Variants in PAK3 observed in about 807,000 individuals in gnomAD.
PAK3 encodes serine/threonine-protein kinase PAK 3.
In PAK3, 4 loss-of-function variants were observed where a neutral mutation model predicts 41.0. The ratio of observed to expected loss-of-function variants is 0.10; its 90% CI spans 0.05 to 0.22. The LOEUF is 0.22. Ranked by LOEUF, PAK3 falls within the 10% of genes least tolerant of loss-of-function variation. The pLI is 1.00. For synonymous variants in PAK3, 146 were observed against 139.6 expected, an observed-to-expected ratio of 1.05 and a Z score of -0.32; for missense variants, 205 against 409.9, an observed-to-expected ratio of 0.50 and a Z score of 4.32.
At chrX:110,956,895 A>G (rs773469402) in intron 1 of PAK3, among the ~76,000 whole-genome samples, 1 of 111,737 alleles carries the variant, frequency 8.9e-6, no homozygotes, top group Non-Finnish European at 1.9e-5. Context: ...TGGTGACAGG[A>G]CCTTCTTTGT....
rs188957608 is a variant in PAK3, at chrX:111,052,602, G to A, written c.-27-70475G>A. Among the ~76,000 whole-genome samples, 774 of 112,349 alleles carry A rather than the reference G, an allele frequency of 6.9e-3. 3 individuals carry two copies. The highest frequency in any genetic ancestry group is 0.012 in the Non-Finnish European group (615 of 53,212). On this transcript the variant is annotated intron_variant, in intron 1 of 14. Transcript: ENST00000425146. ...CTTCCAGTTTATAAATGATAAAGCA[G>A]AGGTTCAGAGTAGTGAATGAGTTTT...
chrX:111,217,586 C>T, intron 17 of PAK3: 1 of 960,104 alleles, frequency 1.0e-6, no homozygotes, highest in East Asian at 7.5e-5. Flanking sequence ...ACTATCCCAC[C>T]CTAACTCAGA....
chrX:111,195,211 T>C (rs1603377176), intron 14 of PAK3, among the ~76,000 whole-genome samples: 2 of 111,131 alleles, frequency 1.8e-5, no homozygotes, highest in Non-Finnish European at 3.8e-5. Flanking sequence ...ATTTCCTCCT[T>C]CCTTGCTCTC....
intron 1 of PAK3, among the ~76,000 whole-genome samples, chrX:110,964,479 C>A (rs891509348): frequency 1.8e-5 from 2 of 112,085 alleles, no homozygotes; most frequent in Non-Finnish European, 3.8e-5. Context: ...TAGCAAGAGA[C>A]TAGAGACCTT....
At chrX:111,053,845 A>G (rs922134329) in intron 1 of PAK3, among the ~76,000 whole-genome samples, 4 of 111,942 alleles carry the variant, frequency 3.6e-5, no homozygotes, top group Non-Finnish European at 3.8e-5. Context: ...TCCTAATACC[A>G]ATAAACAGCC....
intron 1 of PAK3, among the ~76,000 whole-genome samples, chrX:111,033,254 T>C (rs1197696961): frequency 9.0e-6 from 1 of 111,516 alleles, no homozygotes; most frequent in Non-Finnish European, 1.9e-5. Flanking sequence ...GAGGTGTTAC[T>C]TGTCCAAGCA....
chrX:110,955,919 G>A (rs1020414059), intron 1 of PAK3, among the ~76,000 whole-genome samples: 1 of 111,791 alleles, frequency 8.9e-6, no homozygotes, highest in South Asian at 3.8e-4. Flanking sequence ...AAGAGGGTAG[G>A]GTAAAGGTTA....
intron 11 of PAK3, among the ~76,000 whole-genome samples, chrX:111,186,166 C>T (rs926782055): frequency 3.6e-5 from 4 of 111,392 alleles, no homozygotes; most frequent in East Asian, 2.8e-4. Context: ...CTATTTATGA[C>T]GAACCCACAG....
intron 1 of PAK3, among the ~76,000 whole-genome samples, chrX:111,078,381 G>T (rs774817458): frequency 9.2e-6 from 1 of 108,924 alleles, no homozygotes; most frequent in Non-Finnish European, 1.9e-5. Flanking sequence ...GTCACACATT[G>T]GTAATTCTCA....
At chrX:111,125,394 T>G (rs984385646) in intron 5 of PAK3, among the ~76,000 whole-genome samples, 3 of 111,612 alleles carry the variant, frequency 2.7e-5, no homozygotes, top group African/African-American at 9.8e-5. Context: ...TTCAAGTTAA[T>G]GCTGCTAGAG....
At chrX:111,172,974 C>T (rs1569440691) in intron 10 of PAK3, 44 bp from the exon 11 acceptor site, 1 of 690,447 alleles carries the variant, frequency 1.4e-6, no homozygotes, top group Non-Finnish European at 2.4e-6. Flanking sequence ...CTCTCTCTCT[C>T]TTCCACCTCC....
At chrX:111,124,926 G>A (rs1489230641) in intron 5 of PAK3, among the ~76,000 whole-genome samples, 2 of 111,647 alleles carry the variant, frequency 1.8e-5, no homozygotes, top group Non-Finnish European at 3.8e-5. Context: ...AGTCTATTTG[G>A]TGCTTCAGGT....
At chrX:111,113,511 C>G (rs2093411299) in intron 4 of PAK3, among the ~76,000 whole-genome samples, 1 of 111,530 alleles carries the variant, frequency 9.0e-6, no homozygotes, top group Non-Finnish European at 1.9e-5. Flanking sequence ...TGAAGAGAGT[C>G]TTGCCCTTTT....
In PAK3 at chrX:111,224,730, C is replaced by T. The variant is rs2094945136; in HGVS notation, c.*4283C>T. 1 of 111,873 alleles carries T rather than the reference C, an allele frequency of 8.9e-6. No homozygotes were observed. The highest frequency in any genetic ancestry group is 3.2e-5 in the African/African-American group (1 of 30,788). 9.2% of individuals were successfully genotyped at this position (111,873 alleles called of 1,213,427 possible). A position where few individuals can be genotyped will look rare whatever the true frequency, so the allele number is the denominator to read the frequency against. On this transcript the variant is annotated 3_prime_UTR_variant, in exon 18 of 18. Transcript: ENST00000372007. ...AGACCATCTAACCAAAGGATAACTT[C>T]CTTCTAACTCACCAAAGAAATTTTA... is the stretch of plus-strand genomic sequence containing the variant.
intron 1 of PAK3, among the ~76,000 whole-genome samples, chrX:111,059,305 T>A (rs1281508964): frequency 2.7e-5 from 3 of 110,350 alleles, no homozygotes; most frequent in Non-Finnish European, 5.7e-5. Context: ...ACTACAGGTG[T>A]GTAACACCAT....
At chrX:111,204,941 A>AT (rs775428482) in intron 16 of PAK3, among the ~76,000 whole-genome samples, 968 of 32,409 alleles carry the variant, frequency 0.03, 71 homozygotes, top group African/African-American at 0.12. Context: ...TCATCAGCAC[A>AT]TTTTTTTTTT....
intron 11 of PAK3, among the ~76,000 whole-genome samples, chrX:111,182,385 T>C (rs776784295): frequency 9.0e-6 from 1 of 111,093 alleles, no homozygotes; most frequent in South Asian, 3.9e-4. Flanking sequence ...AGAAAAGTCA[T>C]GCCCTAGCTA....
Position 111,226,609 on chromosome X carries a change from A to T in PAK3, c.*6162A>T, listed in dbSNP as rs1367109028. 1 of 112,450 alleles carries T rather than the reference A, an allele frequency of 8.9e-6. No individual in the cohort carries two copies. Among genetic ancestry groups the T allele is most frequent in the Non-Finnish European group, 1.9e-5 (1 of 53,344 alleles). The allele number at this position is 112,450 out of a possible 1,213,427, so 9.3% of individuals were successfully genotyped here. A position where few individuals can be genotyped will look rare whatever the true frequency, so the allele number is the denominator to read the frequency against. On this transcript the variant is annotated 3_prime_UTR_variant, in exon 18 of 18. Coordinates refer to ENST00000372007, the MANE Select transcript of PAK3 (RefSeq NM_002578.5). ...TATTAGCATTGAGAAATGTTGACAA[A>T]TTAATTTGTTGGGAACCAAAGATAG...
intron 11 of PAK3, among the ~76,000 whole-genome samples, chrX:111,184,531 C>G (rs774872218): frequency 1.4e-3 from 150 of 109,652 alleles, no homozygotes; most frequent in African/African-American, 4.9e-3. Context: ...GGTATTTGTC[C>G]TAATGCTATC....
Sources: allele counts gnomAD v4.1 joint callset (sites outside exome capture counted in the v4.1 genomes callset), GRCh38; gene constraint gnomAD v4.1.1; transcripts MANE v1.5; gene names NCBI Gene and HGNC (gene_info 2026-07-23, HGNC 2026-07-21).